The following CEP162 variants were observed in gnomAD, a reference collection of about 807,000 sequenced individuals.
The protein encoded by CEP162 is centrosomal protein 162.
A neutral mutation model predicts 169.2 loss-of-function variants in CEP162; 141 were observed. That is an observed-to-expected ratio of 0.83 (90% CI 0.73 to 0.96). CEP162 has a LOEUF of 0.96. CEP162 is among the 40% of genes least tolerant of loss of function. The pLI is 0.00. For missense variants in CEP162, 1,600 were observed against 1,587.2 expected (o/e 1.01, Z -0.14); for synonymous variants, 540 against 526.4 (o/e 1.03, Z -0.35).
intron 25 of CEP162, among the ~76,000 whole-genome samples, chr6:84,128,654 G>A (rs1312564823): frequency 6.6e-6 from 1 of 151,864 alleles, no homozygotes; most frequent in Non-Finnish European, 1.5e-5. Flanking sequence ...AATAAAATAA[G>A]GTATATAAAA....
At chr6:84,199,573 A>G (rs77766366) in intron 9 of CEP162, among the ~76,000 whole-genome samples, 2 of 145,640 alleles carry the variant, frequency 1.4e-5, no homozygotes, top group Non-Finnish European at 2.9e-5. Context: ...AAAAAAAAAA[A>G]AGAATGAAAT....
chr6:84,169,689 T>C (rs975446503), intron 17 of CEP162, among the ~76,000 whole-genome samples: 2 of 152,102 alleles, frequency 1.3e-5, no homozygotes, highest in Non-Finnish European at 2.9e-5. Context: ...TATAAAAATA[T>C]TAATTCCCAA....
chr6:84,136,850 T>C (rs902809077), intron 25 of CEP162, among the ~76,000 whole-genome samples: 4 of 152,218 alleles, frequency 2.6e-5, no homozygotes, highest in African/African-American at 9.6e-5. Context: ...GACCTTGGGT[T>C]CAATCACTTT....
At chr6:84,216,116 A>G (rs1214321828) in intron 3 of CEP162, 194 bp from the exon 4 acceptor site, 1 of 733,396 alleles carries the variant, frequency 1.4e-6, no homozygotes, top group Non-Finnish European at 2.0e-6. Context: ...GCACTGTATC[A>G]TATTAAATAG....
intron 25 of CEP162, among the ~76,000 whole-genome samples, chr6:84,132,356 G>C (rs975300132): frequency 2.0e-5 from 3 of 152,134 alleles, no homozygotes; most frequent in African/African-American, 7.2e-5. Context: ...TCTTTGTGGT[G>C]TTCTCTGTAT....
intron 25 of CEP162, among the ~76,000 whole-genome samples, chr6:84,140,730 G>T (rs1006657609): frequency 6.6e-6 from 1 of 152,038 alleles, no homozygotes; most frequent in African/African-American, 2.4e-5. Context: ...TCGTCATATT[G>T]CCCAGGCTGG....
rs149150126 is a variant in CEP162 at position 84,169,408 on chromosome 6, G to C, written c.2305C>G (p.Leu769Val). 103 of 1,575,208 alleles carry C rather than the reference G, an allele frequency of 6.5e-5. 1 individual carries two copies. The African/African-American group carries it at 1.1e-3, about 18-fold the overall frequency. ...LKEQMHKSRF[L>V]SQVVEDSEPT... is the part of the protein sequence containing the mutation. Reference sequence around the variant, plus strand: ...TCTGAATCTTCAACTACTTGAGACAGAAAACGACTTTTGTGCATCTGTTCT... The same window carrying C: ...TCTGAATCTTCAACTACTTGAGACACAAAACGACTTTTGTGCATCTGTTCT... Residue 769 changes from leucine (L) to valine (V), a missense_variant, in exon 18 of 27, where the codon CTG becomes GTG. Coordinates refer to ENST00000403245, the MANE Select transcript of CEP162 (RefSeq NM_014895.4).
chr6:84,134,919 T>TATATAC (rs1457258897), intron 25 of CEP162, among the ~76,000 whole-genome samples: 1 of 148,256 alleles, frequency 6.7e-6, no homozygotes, highest in African/African-American at 2.5e-5. Context: ...AGATCATATA[T>TATATAC]ACACACACAC....
chr6:84,142,070 A>G (rs1227680272), intron 25 of CEP162, among the ~76,000 whole-genome samples: 1 of 152,192 alleles, frequency 6.6e-6, no homozygotes, highest in Non-Finnish European at 1.5e-5. Flanking sequence ...GACTAAAGAA[A>G]AAAAGGCAGC....
chr6:84,201,697 A>G, intron 8 of CEP162, 40 bp downstream of exon 8: 3 of 1,073,044 alleles, frequency 2.8e-6, no homozygotes, highest in Non-Finnish European at 4.1e-6. Flanking sequence ...GAACAGACTA[A>G]TTTTTTGCCA....
At position 84,193,623 on chromosome 6, in the gene CEP162, A is replaced by G; in HGVS notation, c.1095T>C (p.Asp365=). The change falls in exon 11 of 27, where the codon GAT becomes GAC. Residue 365 remains aspartate, a synonymous_variant. Coordinates refer to ENST00000403245, the MANE Select transcript of CEP162 (RefSeq NM_014895.4). ...AAAATTCATACCTGACAGGTTGTAA[A>G]TCAAAACCACTGATCCCAAAGGAAT... ...RIDSFGISGF[D]LQPVSSEKVA... 6.4e-7 allele frequency: 1 copy of G among 1,558,554 alleles called. No homozygotes were observed. The highest frequency in any genetic ancestry group is 1.4e-5 in the African/African-American group (1 of 73,560).
chr6:84,127,164 A>G (rs2099509277), intron 25 of CEP162, among the ~76,000 whole-genome samples: 1 of 152,160 alleles, frequency 6.6e-6, no homozygotes, highest in African/African-American at 2.4e-5. Flanking sequence ...AAAACAATTA[A>G]TTGTATCTTC....
At chr6:84,177,876 T>C (rs1244303795) in intron 13 of CEP162, among the ~76,000 whole-genome samples, 3 of 152,184 alleles carry the variant, frequency 2.0e-5, no homozygotes, top group Non-Finnish European at 4.4e-5. Flanking sequence ...TTTAAAAGTA[T>C]GAAAACTGTG....
rs536836010 is a variant in CEP162 at position 84,156,501 on chromosome 6, T to A, written c.2782-991A>T. Among the ~76,000 whole-genome samples the A allele has an allele frequency of 1.2e-3, 178 of 152,108 alleles. 1 individual carries two copies. The highest frequency in any genetic ancestry group is 4.1e-3 in the African/African-American group (170 of 41,492). ...TCACTAATCACCAAATAAATGCAAA[T>A]TAAAACCACAATGAGGTACCATCTT... On this transcript the variant is annotated intron_variant, in intron 21 of 26. Transcript: ENST00000403245.
At chr6:84,190,237 T>G (rs2099539253) in intron 11 of CEP162, among the ~76,000 whole-genome samples, 1 of 152,162 alleles carries the variant, frequency 6.6e-6, no homozygotes. Flanking sequence ...ACTCTGTATC[T>G]AACTAATCTG....
At chr6:84,189,864 A>G (rs1434083541) in intron 11 of CEP162, among the ~76,000 whole-genome samples, 1 of 152,220 alleles carries the variant, frequency 6.6e-6, no homozygotes, top group Non-Finnish European at 1.5e-5. Context: ...GAGTCTTTAT[A>G]TCTAGCTCAG....
rs2099556234 is a variant in CEP162 at position 84,227,573 on chromosome 6, C to T, written c.-60+7G>A. 1 of 152,258 alleles carries T rather than the reference C, an allele frequency of 6.6e-6. No individual in the cohort carries two copies. The highest frequency in any genetic ancestry group is 6.5e-5 in the Admixed American group (1 of 15,286). 9.4% of individuals were successfully genotyped at this position (152,258 alleles called of 1,614,324 possible). A position where few individuals can be genotyped will look rare whatever the true frequency, so the allele number is the denominator to read the frequency against. On this transcript the variant is annotated splice_region_variant and intron_variant, in intron 1 of 26. Transcript: ENST00000403245. The stretch of plus-strand genomic sequence containing the variant: ...TGGGAAACCAGCGTTCACACCTTAC[C>T]ACCTACCTCTGCCTCTGAATTCCGC...
chr6:84,146,872 A>G (rs2099519108), intron 24 of CEP162, 87 bp from the exon 25 acceptor site: 3 of 661,878 alleles, frequency 4.5e-6, no homozygotes. Flanking sequence ...CACAAAAGGG[A>G]ACTCTTATAT....
In CEP162 at chr6:84,152,862, G is replaced by C; in HGVS notation, c.3312C>G (p.Leu1104=). Residue 1104 remains leucine, a synonymous_variant, in exon 23 of 27, where the codon CTC becomes CTG. Coordinates refer to ENST00000403245, the MANE Select transcript of CEP162 (RefSeq NM_014895.4). ...TCTGAAGCCTCTCCACAGTTTTTGA[G>C]AGGTCTTGTATTTCTCTCTTTTTTG... is the stretch of plus-strand genomic sequence containing the variant. ...LAAKKREIQD[L]SKTVERLQKD... 6.2e-7 allele frequency: 1 copy of C among 1,613,676 alleles called. No individual in the cohort carries two copies. The highest frequency in any genetic ancestry group is 8.5e-7 in the Non-Finnish European group (1 of 1,179,800).
Sources: allele counts gnomAD v4.1 joint callset (sites outside exome capture counted in the v4.1 genomes callset), GRCh38; gene constraint gnomAD v4.1.1; transcripts MANE v1.5; gene names NCBI Gene and HGNC (gene_info 2026-07-23, HGNC 2026-07-21).